NRXN1: variants seen among roughly 807,000 people sequenced by gnomAD.
NRXN1 encodes neurexin-1.
NRXN1 carries 39 observed loss-of-function variants against 150.9 expected under a neutral mutation model. The ratio of observed to expected loss-of-function variants is 0.26; its 90% CI spans 0.20 to 0.34. NRXN1 has a LOEUF of 0.34. Ranked by LOEUF, NRXN1 falls within the 10% of genes least tolerant of loss-of-function variation. The pLI is 1.00. For missense variants in NRXN1, 1,815 were observed against 1,949.9 expected, an observed-to-expected ratio of 0.93 and a Z score of 1.30; for synonymous variants, 924 against 757.0, an observed-to-expected ratio of 1.22 and a Z score of -3.62.
chr2:50,618,782 A>T (rs995049999), intron 8 of NRXN1, among the ~76,000 whole-genome samples: 2 of 149,460 alleles, frequency 1.3e-5, no homozygotes, highest in Non-Finnish European at 3.0e-5. Flanking sequence ...ATAATAATAA[A>T]TAATAATAAT....
At chr2:50,505,877 A>C (rs2092196217) in intron 13 of NRXN1, among the ~76,000 whole-genome samples, 1 of 152,166 alleles carries the variant, frequency 6.6e-6, no homozygotes, top group African/African-American at 2.4e-5. Flanking sequence ...GTTGTTTTCA[A>C]AGTAAATAAA....
At chr2:50,571,073 A>G (rs1670594686) in intron 8 of NRXN1, among the ~76,000 whole-genome samples, 1 of 152,148 alleles carries the variant, frequency 6.6e-6, no homozygotes, top group Non-Finnish European at 1.5e-5. Flanking sequence ...CAGAATGCCT[A>G]CACTGGAGGA....
intron 8 of NRXN1, chr2:50,615,876 T>C (rs1439082357): frequency 6.6e-6 from 1 of 152,156 alleles, no homozygotes; most frequent in Non-Finnish European, 1.5e-5. Context: ...TATAAAATGA[T>C]CGAAAATTCT....
At chr2:50,958,519 G>C (rs972936854) in intron 2 of NRXN1, among the ~76,000 whole-genome samples, 12 of 151,760 alleles carry the variant, frequency 7.9e-5, no homozygotes, top group African/African-American at 1.7e-4. Context: ...AGTATTTATT[G>C]ATATTTTTAT....
chr2:50,793,207 T>A (rs1706304413), intron 5 of NRXN1, among the ~76,000 whole-genome samples: 1 of 152,148 alleles, frequency 6.6e-6, no homozygotes, highest in Admixed American at 6.6e-5. Context: ...AGTAAATTTC[T>A]TAAGAGTAAT....
rs141751421 is a variant in NRXN1, at chr2:50,611,292, G to C, written c.1320+8730C>G. On this transcript the variant is annotated intron_variant, in intron 8 of 22. Transcript: ENST00000401669. The stretch of plus-strand genomic sequence containing the variant: ...CTGACAGACCATGCTATGCTAGCTT[G>C]ATATTTGAAAGCACTACAATTCATT... 3.1e-3 allele frequency among the ~76,000 whole-genome samples: 468 copies of C among 152,190 alleles called. 3 individuals are homozygous for C. Among genetic ancestry groups the C allele is most frequent in the African/African-American group, 0.011 (444 of 41,522 alleles).
intron 17 of NRXN1, among the ~76,000 whole-genome samples, chr2:50,454,705 G>A (rs887671297): frequency 4.5e-5 from 5 of 110,140 alleles, no homozygotes; most frequent in Non-Finnish European, 1.9e-5. Context: ...CACACACACA[G>A]TTAATTAACG....
At chr2:50,999,264 T>G (rs865948515) in intron 2 of NRXN1, among the ~76,000 whole-genome samples, 1 of 152,102 alleles carries the variant, frequency 6.6e-6, no homozygotes, top group African/African-American at 2.4e-5. Flanking sequence ...CACTTATCCA[T>G]TTATTTGTTC....
intron 8 of NRXN1, among the ~76,000 whole-genome samples, chr2:50,602,762 T>A (rs775084431): frequency 6.6e-6 from 1 of 152,226 alleles, no homozygotes; most frequent in African/African-American, 2.4e-5. Flanking sequence ...AAAGAAAGCA[T>A]GTTTTGAATC....
Position 50,027,287 on chromosome 2 carries a change from G to A in NRXN1, c.4128+25984C>T, listed in dbSNP as rs1295546957. On this transcript the variant is annotated intron_variant, in intron 21 of 22. Transcript: ENST00000401669. ...TCCTTCCTTCCTTCCTTCCTCCCTC[G>A]CTCCCTCCCTTCCTTCCTTCTCCTT... Among the ~76,000 whole-genome samples, 9 of 129,922 alleles carry A rather than the reference G, an allele frequency of 6.9e-5. No individual in the cohort carries two copies. In the South Asian group the frequency reaches 1.7e-3, roughly 25 times the overall value. 85.2% of individuals were successfully genotyped at this position (129,922 alleles called of 152,430 possible). A position where few individuals can be genotyped will look rare whatever the true frequency, so the allele number is the denominator to read the frequency against.
intron 5 of NRXN1, among the ~76,000 whole-genome samples, chr2:50,827,712 G>C (rs993231516): frequency 6.6e-6 from 1 of 151,972 alleles, no homozygotes; most frequent in African/African-American, 2.4e-5. Context: ...ATAAACAAGT[G>C]AACAAAGGTC....
intron 21 of NRXN1, among the ~76,000 whole-genome samples, chr2:50,011,833 T>G (rs1271013414): frequency 6.6e-6 from 1 of 152,136 alleles, no homozygotes; most frequent in Non-Finnish European, 1.5e-5. Context: ...GATAGGTGGA[T>G]GTTAAGCACA....
In NRXN1 at chr2:49,919,215, G is replaced by A. The variant is rs1476290276; in HGVS notation, c.*2729C>T. On this transcript the variant is annotated 3_prime_UTR_variant, in exon 23 of 23. Transcript: ENST00000401669. ...CTCAATCAACTGCAAACTATGCAGGGAACCCTGATATGTTTGGTATGAAGA... is the reference window on the plus strand; with the variant it reads ...CTCAATCAACTGCAAACTATGCAGGAAACCCTGATATGTTTGGTATGAAGA... The A allele has an allele frequency of 6.6e-6, 1 of 152,114 alleles. No individual in the cohort carries two copies. The highest frequency in any genetic ancestry group is 1.5e-5 in the Non-Finnish European group (1 of 67,976). The allele number at this position is 152,114 out of a possible 1,614,324, so 9.4% of individuals were successfully genotyped here.
chr2:50,054,647 A>G (rs1185990510), intron 20 of NRXN1, among the ~76,000 whole-genome samples: 1 of 152,150 alleles, frequency 6.6e-6, no homozygotes, highest in Non-Finnish European at 1.5e-5. Flanking sequence ...TCTATGAATG[A>G]TTTATCATTT....
intron 8 of NRXN1, among the ~76,000 whole-genome samples, chr2:50,561,120 G>A (rs1439684725): frequency 6.6e-6 from 1 of 152,118 alleles, no homozygotes; most frequent in African/African-American, 2.4e-5. Flanking sequence ...CTCCTGCTTT[G>A]TCCTTCCTTC....
chr2:50,746,351 A>T (rs1026102706), intron 5 of NRXN1, among the ~76,000 whole-genome samples: 1 of 152,064 alleles, frequency 6.6e-6, no homozygotes, highest in Non-Finnish European at 1.5e-5. Flanking sequence ...TGAGGTCAGG[A>T]GTTTGAGACC....
intron 21 of NRXN1, among the ~76,000 whole-genome samples, chr2:50,025,043 C>G (rs1688081960): frequency 6.6e-6 from 1 of 152,148 alleles, no homozygotes; most frequent in African/African-American, 2.4e-5. Flanking sequence ...TATCTACAAA[C>G]ACTGCACTAG....
intron 18 of NRXN1, among the ~76,000 whole-genome samples, chr2:50,161,484 T>C (rs1574248845): frequency 6.6e-6 from 1 of 152,180 alleles, no homozygotes; most frequent in Non-Finnish European, 1.5e-5. Context: ...CTGAGTATAC[T>C]TCTTGGGTAA....
chr2:50,151,877 A>G (rs538881885), intron 18 of NRXN1, among the ~76,000 whole-genome samples: 3 of 151,966 alleles, frequency 2.0e-5, no homozygotes, highest in African/African-American at 7.2e-5. Flanking sequence ...AAAGCAAACA[A>G]AAATAGAAAT....
Sources: gnomAD v4.1 joint callset for allele counts (sites outside exome capture counted in the v4.1 genomes callset) on GRCh38, gnomAD v4.1.1 for gene constraint, MANE v1.5 for transcripts, NCBI Gene and HGNC (gene_info 2026-07-23, HGNC 2026-07-21) for gene names.